TYR: variants seen among roughly 807,000 people sequenced by gnomAD.
The protein encoded by TYR is LB24-AB.
TYR carries 58 observed loss-of-function variants against 51.5 expected under a neutral mutation model. The ratio of observed to expected loss-of-function variants is 1.13; its 90% CI spans 0.91 to 1.40. TYR has a LOEUF of 1.40. TYR is among the 40% of genes most tolerant of loss of function. TYR has a pLI of 0.00. For missense variants in TYR, 732 were observed against 647.4 expected, an observed-to-expected ratio of 1.13 and a Z score of -1.42; for synonymous variants, 263 against 235.2, an observed-to-expected ratio of 1.12 and a Z score of -1.08.
At chr11:89,251,578 G>A (rs563358567) in intron 3 of TYR, among the ~76,000 whole-genome samples, 1 of 151,956 alleles carries the variant, frequency 6.6e-6, no homozygotes, top group East Asian at 1.9e-4. Context: ...GCAGCTGAAA[G>A]TTTTCTGTAG....
At chr11:89,212,010 T>G (rs1168447455) in intron 2 of TYR, among the ~76,000 whole-genome samples, 1 of 152,068 alleles carries the variant, frequency 6.6e-6, no homozygotes, top group African/African-American at 2.4e-5. Context: ...TATCTAAAAT[T>G]GACACCCTGA....
rs7947052 is a variant in TYR, at chr11:89,248,571, G to A, written c.1184+20601G>A. ...AAAGGAGACTAGAAAAGCTAAATACGGTAAACAAGAGGAACTTGGTGCAAT... is the reference window on the plus strand; with the variant it reads ...AAAGGAGACTAGAAAAGCTAAATACAGTAAACAAGAGGAACTTGGTGCAAT... On this transcript the variant is annotated intron_variant, in intron 3 of 4. Transcript: ENST00000263321. Among the ~76,000 whole-genome samples, 1,286 of 152,180 alleles carry A rather than the reference G, an allele frequency of 8.5e-3. 19 individuals are homozygous for A. The highest frequency in any genetic ancestry group is 0.029 in the African/African-American group (1,219 of 41,534).
At chr11:89,256,698 A>G (rs909026423) in intron 3 of TYR, among the ~76,000 whole-genome samples, 2 of 151,922 alleles carry the variant, frequency 1.3e-5, no homozygotes, top group African/African-American at 4.8e-5. Flanking sequence ...TAAAAATAAC[A>G]AAGTAGTAAG....
At chr11:89,277,898 C>G (rs980805117) in intron 3 of TYR, among the ~76,000 whole-genome samples, 11 of 151,656 alleles carry the variant, frequency 7.3e-5, no homozygotes, top group South Asian at 2.1e-4. Flanking sequence ...TGGTCTTTTA[C>G]AAATGATAAT....
intron 1 of TYR, among the ~76,000 whole-genome samples, chr11:89,185,667 C>T (rs958793571): frequency 6.6e-6 from 1 of 152,088 alleles, no homozygotes; most frequent in Admixed American, 6.6e-5. Context: ...GAAGCATGCA[C>T]CTGTTGTGAA....
chr11:89,210,199 C>T (rs1943734286), intron 2 of TYR, among the ~76,000 whole-genome samples: 2 of 152,002 alleles, frequency 1.3e-5, no homozygotes, highest in Admixed American at 6.6e-5. Flanking sequence ...TTAAACCCAT[C>T]GCAAGAAAGC....
At chr11:89,285,990 CT>C (rs1311946774) in intron 4 of TYR, among the ~76,000 whole-genome samples, 6 of 151,872 alleles carry the variant, frequency 4.0e-5, no homozygotes, top group Non-Finnish European at 5.9e-5. Flanking sequence ...CCCTCTCACT[CT>C]TGTGCTCAAA....
Position 89,177,878 on chromosome 11 carries a change from G to A in TYR, c.-76G>A. ...TCAGCCAAGACATGTGATAATCACTGTAGTAGTAGCTGGAAAGAGAAATCT... is the reference window on the plus strand; with the variant it reads ...TCAGCCAAGACATGTGATAATCACTATAGTAGTAGCTGGAAAGAGAAATCT... On this transcript the variant is annotated 5_prime_UTR_variant, in exon 1 of 5. Transcript: ENST00000263321. 4.3e-6 allele frequency: 6 copies of A among 1,407,648 alleles called. No homozygotes were observed. Among genetic ancestry groups the A allele is most frequent in the Non-Finnish European group, 6.0e-6 (6 of 999,456 alleles). The allele number at this position is 1,407,648 out of a possible 1,614,324, so 87.2% of individuals were successfully genotyped here. A position where few individuals can be genotyped will look rare whatever the true frequency, so the allele number is the denominator to read the frequency against.
At chr11:89,238,354 A>G (rs565839501) in intron 3 of TYR, among the ~76,000 whole-genome samples, 38 of 152,188 alleles carry the variant, frequency 2.5e-4, no homozygotes, top group African/African-American at 7.7e-4. Context: ...TTGTGATGCT[A>G]TTGTAAATTG....
intron 2 of TYR, among the ~76,000 whole-genome samples, chr11:89,207,941 C>A (rs947711086): frequency 1.3e-5 from 2 of 152,136 alleles, no homozygotes; most frequent in African/African-American, 4.8e-5. Flanking sequence ...TTATTTCTTA[C>A]AGCTGCATAT....
intron 4 of TYR, among the ~76,000 whole-genome samples, chr11:89,289,362 T>G (rs1049027661): frequency 1.3e-5 from 2 of 152,030 alleles, no homozygotes; most frequent in African/African-American, 4.8e-5. Flanking sequence ...TATACCTGTG[T>G]GCATGCTGTT....
intron 2 of TYR, among the ~76,000 whole-genome samples, chr11:89,199,342 A>G (rs1175183248): frequency 6.6e-6 from 1 of 152,176 alleles, no homozygotes; most frequent in Non-Finnish European, 1.5e-5. Flanking sequence ...GTACTGGCAT[A>G]TGCAATTTAT....
intron 3 of TYR, among the ~76,000 whole-genome samples, chr11:89,276,802 C>T (rs1944660221): frequency 6.6e-6 from 1 of 151,808 alleles, no homozygotes; most frequent in Non-Finnish European, 1.5e-5. Flanking sequence ...AGAAACACCC[C>T]TGTCATCCTG....
chr11:89,219,657 T>TA (rs965430274), intron 2 of TYR, among the ~76,000 whole-genome samples: 8 of 152,018 alleles, frequency 5.3e-5, no homozygotes, highest in African/African-American at 1.9e-4. Flanking sequence ...TACAATCTAG[T>TA]AAAAAAATTA....
intron 4 of TYR, among the ~76,000 whole-genome samples, chr11:89,291,623 CAT>C (rs1944854170): frequency 6.6e-6 from 1 of 151,834 alleles, no homozygotes; most frequent in Non-Finnish European, 1.5e-5. Context: ...AGTTGTTAAG[CAT>C]ATCTTTTAAT....
chr11:89,221,941 C>G (rs1943916926), intron 2 of TYR, among the ~76,000 whole-genome samples: 1 of 152,216 alleles, frequency 6.6e-6, no homozygotes, highest in Non-Finnish European at 1.5e-5. Flanking sequence ...TGTAACTCAT[C>G]TTCCTCAAAG....
At chr11:89,275,490 AT>A (rs1487703069) in intron 3 of TYR, among the ~76,000 whole-genome samples, 1 of 151,944 alleles carries the variant, frequency 6.6e-6, no homozygotes, top group Admixed American at 6.6e-5. Context: ...TTGAGTTACT[AT>A]TGGCAAATTC....
At position 89,191,101 on chromosome 11, in the gene TYR, G is replaced by A. The variant is rs1054395302; in HGVS notation, c.820-101G>A. 4 of 1,020,458 alleles carry A rather than the reference G, an allele frequency of 3.9e-6. No homozygotes were observed. The African/African-American group carries it at 4.7e-5, about 12-fold the overall frequency. 63.2% of individuals were successfully genotyped at this position (1,020,458 alleles called of 1,614,324 possible). ...CACATGATTGTAGTAATCTCCTCAG[G>A]AGAAGTCTAACAACGATAATTAGGA... On this transcript the variant is annotated intron_variant, in intron 1 of 4. Coordinates refer to ENST00000263321, the MANE Select transcript of TYR (RefSeq NM_000372.5).
At chr11:89,187,129 C>T (rs1485344016) in intron 1 of TYR, among the ~76,000 whole-genome samples, 1 of 152,080 alleles carries the variant, frequency 6.6e-6, no homozygotes, top group African/African-American at 2.4e-5. Context: ...TAGGGAGTCA[C>T]CTATTCACTA....
Sources: gnomAD v4.1 joint callset for allele counts (sites outside exome capture counted in the v4.1 genomes callset) on GRCh38, gnomAD v4.1.1 for gene constraint, MANE v1.5 for transcripts, NCBI Gene and HGNC (gene_info 2026-07-23, HGNC 2026-07-21) for gene names.